The following LUZP2 variants were observed in gnomAD, a reference collection of about 807,000 sequenced individuals.
LUZP2 encodes leucine zipper protein 2.
A neutral mutation model predicts 51.6 loss-of-function variants in LUZP2; 52 were observed. The observed-to-expected ratio is 1.01, with a 90% CI of 0.81 to 1.27. The LOEUF is 1.27. Among genes scored for constraint, LUZP2 ranks in the 50% most tolerant of loss-of-function variants. The pLI is 0.00. For synonymous variants in LUZP2, 154 were observed against 137.3 expected, an observed-to-expected ratio of 1.12 and a Z score of -0.85; for missense variants, 436 against 395.4, an observed-to-expected ratio of 1.10 and a Z score of -0.87.
At chr11:25,075,213 A>T (rs1472453948) in intron 10 of LUZP2, among the ~76,000 whole-genome samples, 1 of 152,186 alleles carries the variant, frequency 6.6e-6, no homozygotes, top group African/African-American at 2.4e-5. Flanking sequence ...TATATAAAGG[A>T]ATACATAGTA....
intron 9 of LUZP2, among the ~76,000 whole-genome samples, chr11:25,015,147 T>C (rs989262371): frequency 2.0e-5 from 3 of 152,156 alleles, no homozygotes; most frequent in Non-Finnish European, 4.4e-5. Context: ...AGTTGCGATT[T>C]ATTTAGTCAT....
intron 5 of LUZP2, among the ~76,000 whole-genome samples, chr11:24,895,101 T>A (rs959978348): frequency 1.3e-5 from 2 of 152,200 alleles, no homozygotes; most frequent in African/African-American, 4.8e-5. Flanking sequence ...GTTTGTAATT[T>A]ATAAAACTCC....
chr11:24,975,704 A>G (rs1052002697), intron 7 of LUZP2, among the ~76,000 whole-genome samples: 6 of 152,096 alleles, frequency 3.9e-5, no homozygotes, highest in African/African-American at 1.4e-4. Flanking sequence ...GGCTTTGCCC[A>G]ATATCACATA....
chr11:24,714,660 A>G (rs1857968981), intron 1 of LUZP2, among the ~76,000 whole-genome samples: 1 of 152,180 alleles, frequency 6.6e-6, no homozygotes, highest in Admixed American at 6.5e-5. Context: ...CATGGAGTTT[A>G]TCTAAAATAT....
chr11:24,951,176 T>C (rs112214321), intron 7 of LUZP2, among the ~76,000 whole-genome samples: 40 of 151,702 alleles, frequency 2.6e-4, no homozygotes, highest in African/African-American at 9.2e-4. Flanking sequence ...ATGCTGGGTA[T>C]CAGGTGTATG....
intron 1 of LUZP2, among the ~76,000 whole-genome samples, chr11:24,654,827 C>CTT (rs35699452): frequency 2.1e-4 from 31 of 147,026 alleles, no homozygotes; most frequent in Non-Finnish European, 4.2e-4. Flanking sequence ...GCCCGGCCTA[C>CTT]TTTTTTTTTT....
At chr11:24,936,949 G>A (rs1252209826) in intron 7 of LUZP2, among the ~76,000 whole-genome samples, 1 of 151,994 alleles carries the variant, frequency 6.6e-6, no homozygotes, top group African/African-American at 2.4e-5. Context: ...CATTAAGGTT[G>A]CAAATACCTA....
At chr11:24,676,168 T>G (rs1856544886) in intron 1 of LUZP2, among the ~76,000 whole-genome samples, 1 of 152,120 alleles carries the variant, frequency 6.6e-6, no homozygotes, top group Non-Finnish European at 1.5e-5. Flanking sequence ...ATGGCAGATT[T>G]TACTCTTCCT....
chr11:24,760,317 G>C lies in LUZP2; in HGVS notation c.334-2929G>C, dbSNP rs1859935745. On this transcript the variant is annotated intron_variant, in intron 4 of 11. Coordinates refer to ENST00000336930, the MANE Select transcript of LUZP2 (RefSeq NM_001009909.4). ...TAAATTCCCATCATGGCCTGAACTT[G>C]TGTTTCAGGTTAACTTTGGAATGTC... is the stretch of plus-strand genomic sequence containing the variant. Among the ~76,000 whole-genome samples the C allele has an allele frequency of 2.6e-5, 4 of 152,160 alleles. No homozygotes were observed. The South Asian group carries it at 8.3e-4, about 32-fold the overall frequency.
At chr11:24,619,318 G>A (rs997115089) in intron 1 of LUZP2, among the ~76,000 whole-genome samples, 1 of 152,130 alleles carries the variant, frequency 6.6e-6, no homozygotes, top group African/African-American at 2.4e-5. Flanking sequence ...ATGGGTGTAT[G>A]TCACCCTGCC....
intron 5 of LUZP2, among the ~76,000 whole-genome samples, chr11:24,814,511 A>G (rs867459271): frequency 4.6e-5 from 7 of 152,254 alleles, no homozygotes; most frequent in Middle Eastern, 6.8e-3. Flanking sequence ...TGTGAAATGA[A>G]TTTTCTATGG....
intron 9 of LUZP2, among the ~76,000 whole-genome samples, chr11:25,030,925 T>TATATAATAC (rs1857639058): frequency 4.8e-4 from 3 of 6,234 alleles, no homozygotes; most frequent in South Asian, 7.2e-3. Flanking sequence ...GTATTATATA[T>TATATAATAC]ATATAATATA....
At chr11:24,978,828 C>T (rs1486225893) in intron 8 of LUZP2, among the ~76,000 whole-genome samples, 1 of 151,742 alleles carries the variant, frequency 6.6e-6, no homozygotes, top group Non-Finnish European at 1.5e-5. Context: ...GCCTGAGTCA[C>T]AGAGCTCAGG....
chr11:24,926,345 G>GTATATATATACGTGTGTATA (rs1854247385), intron 7 of LUZP2, among the ~76,000 whole-genome samples: 4 of 44,958 alleles, frequency 8.9e-5, no homozygotes, highest in South Asian at 7.1e-4. Context: ...ATATACGTGT[G>GTATATATATACGTGTGTATA]TATATATATA....
chr11:24,778,960 A>AT (rs1849016535), intron 5 of LUZP2, among the ~76,000 whole-genome samples: 2 of 152,188 alleles, frequency 1.3e-5, no homozygotes, highest in South Asian at 4.1e-4. Context: ...GGTCATTAGT[A>AT]TTTCAAACAG....
At chr11:24,733,784 T>C (rs1858821843) in intron 3 of LUZP2, among the ~76,000 whole-genome samples, 1 of 151,586 alleles carries the variant, frequency 6.6e-6, no homozygotes, top group African/African-American at 2.4e-5. Context: ...GACCAAGAGA[T>C]GCTGAAAATG....
At chr11:24,895,438 A>G (rs1853009372) in intron 5 of LUZP2, among the ~76,000 whole-genome samples, 1 of 152,142 alleles carries the variant, frequency 6.6e-6, no homozygotes, top group South Asian at 2.1e-4. Context: ...CATGATTCTG[A>G]GGTTTGGAGC....
At position 24,899,401 on chromosome 11, in the gene LUZP2, C is replaced by A. The variant is rs78808852; in HGVS notation, c.397-6590C>A. On this transcript the variant is annotated intron_variant, in intron 5 of 11. Transcript: ENST00000336930. ...AATAGACTTCTAAATATACTAGACT[C>A]TAGAAAAACAAGAAGGTAAAAAAAA... 7.6e-3 allele frequency among the ~76,000 whole-genome samples: 1,145 copies of A among 151,080 alleles called. 43 individuals are homozygous for A. The East Asian group carries it at 0.088, about 12-fold the overall frequency.
At chr11:24,938,042 G>A (rs1854641135) in intron 7 of LUZP2, among the ~76,000 whole-genome samples, 2 of 152,036 alleles carry the variant, frequency 1.3e-5, no homozygotes, top group Admixed American at 6.6e-5. Flanking sequence ...TTTGAAGCCA[G>A]GGGAGAATCA....
Sources: allele counts gnomAD v4.1 joint callset (sites outside exome capture counted in the v4.1 genomes callset), GRCh38; gene constraint gnomAD v4.1.1; transcripts MANE v1.5; gene names NCBI Gene and HGNC (gene_info 2026-07-23, HGNC 2026-07-21).